Variants in SCFD1 observed in about 807,000 individuals in gnomAD.
SCFD1 encodes the protein sec1 family domain containing 1, also known as sec1 family domain-containing protein 1.
A neutral mutation model predicts 103.2 loss-of-function variants in SCFD1; 37 were observed. The observed-to-expected ratio is 0.36, with a 90% CI of 0.28 to 0.47. The LOEUF (loss-of-function observed/expected upper bound fraction) is 0.47, where lower values mean the gene tolerates loss of function less well. Among genes scored for constraint, SCFD1 ranks in the 20% least tolerant of loss-of-function variants. The probability of loss-of-function intolerance (pLI) is 1.00; values close to 1 mark genes in which losing one functional copy is unlikely to be tolerated. For synonymous variants in SCFD1, 264 were observed against 245.0 expected (o/e 1.08, Z -0.73); for missense variants, 639 against 761.2 (o/e 0.84, Z 1.89).
chr14:30,677,495 A>T (rs1445342717), intron 14 of SCFD1, among the ~76,000 whole-genome samples: 3 of 152,212 alleles, frequency 2.0e-5, no homozygotes, highest in Non-Finnish European at 1.5e-5. Flanking sequence ...CCAATTAAAA[A>T]TCAGAAGTTT....
At chr14:30,670,496 C>G in intron 11 of SCFD1, 101 bp downstream of exon 11, 2 of 773,676 alleles carry the variant, frequency 2.6e-6, no homozygotes, top group South Asian at 4.3e-5. Context: ...CATGTAGGTT[C>G]GTTCACCCAA....
chr14:30,658,087 G>A (rs1887080829), intron 10 of SCFD1: 1 of 455,274 alleles, frequency 2.2e-6, no homozygotes, highest in Non-Finnish European at 4.4e-6. Context: ...TTGCAGGAGA[G>A]GTGGATTTGA....
chr14:30,669,436 A>C (rs1440064221), intron 10 of SCFD1, among the ~76,000 whole-genome samples: 2 of 152,030 alleles, frequency 1.3e-5, no homozygotes, highest in Non-Finnish European at 2.9e-5. Context: ...TTGTGAGGGA[A>C]CCCATAGATG....
chr14:30,666,580 A>G (rs1442911812), intron 10 of SCFD1, among the ~76,000 whole-genome samples: 1 of 152,164 alleles, frequency 6.6e-6, no homozygotes, highest in Non-Finnish European at 1.5e-5. Context: ...TAGAGACACA[A>G]AAAACCCTTC....
intron 10 of SCFD1, among the ~76,000 whole-genome samples, chr14:30,667,645 A>G (rs1450476623): frequency 1.3e-5 from 2 of 152,216 alleles, no homozygotes; most frequent in Non-Finnish European, 2.9e-5. Context: ...ATGATTGTAT[A>G]TTTAGAAAAC....
In SCFD1 at chr14:30,634,142, T is replaced by G. The variant is rs573953930; in HGVS notation, c.312+105T>G. The G allele has an allele frequency of 4.1e-4, 256 of 622,650 alleles. 2 individuals carry two copies. In the African/African-American group the frequency reaches 4.5e-3, roughly 11 times the overall value. The allele number at this position is 622,650 out of a possible 1,614,324, so 38.6% of individuals were successfully genotyped here. ...GTGAAAAATCAGAAATTCCTATGCC[T>G]ACTTTCTCACTCTGATTTTTGAGAC... is the stretch of plus-strand genomic sequence containing the variant. On this transcript the variant is annotated intron_variant, in intron 4 of 24. Coordinates refer to ENST00000458591, the MANE Select transcript of SCFD1 (RefSeq NM_016106.4).
intron 8 of SCFD1, among the ~76,000 whole-genome samples, chr14:30,649,896 A>T (rs903388059): frequency 6.6e-6 from 1 of 152,170 alleles, no homozygotes; most frequent in Admixed American, 6.5e-5. Context: ...GATCCCCCAG[A>T]TTACTTAATA....
At chr14:30,717,915 T>C (rs1384320638) in intron 20 of SCFD1, among the ~76,000 whole-genome samples, 1 of 152,044 alleles carries the variant, frequency 6.6e-6, no homozygotes, top group Non-Finnish European at 1.5e-5. Context: ...AAAGCATTTT[T>C]CACCTATTAT....
At chr14:30,695,446 T>G (rs1205419238) in intron 15 of SCFD1, among the ~76,000 whole-genome samples, 1 of 152,052 alleles carries the variant, frequency 6.6e-6, no homozygotes, top group African/African-American at 2.4e-5. Flanking sequence ...TTCTCACTCA[T>G]GTGGAAGCTT....
At chr14:30,648,522 A>G (rs900390353) in intron 7 of SCFD1, among the ~76,000 whole-genome samples, 2 of 152,244 alleles carry the variant, frequency 1.3e-5, no homozygotes, top group African/African-American at 4.8e-5. Context: ...AACAAAAACT[A>G]GCAGTCCCCA....
chr14:30,717,647 T>G (rs1350544530), intron 20 of SCFD1, among the ~76,000 whole-genome samples: 1 of 152,062 alleles, frequency 6.6e-6, no homozygotes. Context: ...ATCCTAGCAC[T>G]TTGGGAGGCC....
chr14:30,722,352 T>TAAA (rs1419867231), intron 22 of SCFD1, 142 bp from the exon 23 acceptor site: 44 of 564,472 alleles, frequency 7.8e-5, no homozygotes, highest in East Asian at 7.1e-4. Context: ...ATAAATTGAC[T>TAAA]TTTTAGAAAC....
intron 23 of SCFD1, among the ~76,000 whole-genome samples, chr14:30,733,084 C>A (rs1369241375): frequency 6.6e-6 from 1 of 151,510 alleles, no homozygotes; most frequent in Non-Finnish European, 1.5e-5. Flanking sequence ...TGGCTCACTG[C>A]AACCTCTGCC....
chr14:30,633,499 T>C (rs1197421806), intron 3 of SCFD1, among the ~76,000 whole-genome samples: 1 of 152,208 alleles, frequency 6.6e-6, no homozygotes, highest in Non-Finnish European at 1.5e-5. Flanking sequence ...AATTTTTTTA[T>C]AGCTTCTAAA....
At chr14:30,713,854 CT>C (rs772352702) in intron 19 of SCFD1, among the ~76,000 whole-genome samples, 3 of 151,976 alleles carry the variant, frequency 2.0e-5, no homozygotes. Context: ...ATTATTTATT[CT>C]TGTTATGTTG....
chr14:30,683,047 A>C (rs1448804103), intron 14 of SCFD1: 3 of 1,353,122 alleles, frequency 2.2e-6, no homozygotes, highest in Non-Finnish European at 3.1e-6. Context: ...AGCCTGGGTC[A>C]GGGCTCCTGA....
chr14:30,728,839 T>C (rs1204895035), intron 23 of SCFD1, among the ~76,000 whole-genome samples: 2 of 60,792 alleles, frequency 3.3e-5, no homozygotes, highest in African/African-American at 9.0e-5. Flanking sequence ...CCTTTGTCCC[T>C]TTTTTTTTTT....
Position 30,699,303 on chromosome 14 carries a change from A to G in SCFD1, c.1340-885A>G, listed in dbSNP as rs539627514. Among the ~76,000 whole-genome samples the G allele has an allele frequency of 4.9e-4, 75 of 152,354 alleles. No individual in the cohort carries two copies. In the South Asian group the frequency reaches 7.1e-3, roughly 14 times the overall value. On this transcript the variant is annotated intron_variant, in intron 15 of 24. Coordinates refer to ENST00000458591, the MANE Select transcript of SCFD1 (RefSeq NM_016106.4). ...GTGTCTTATCAGTCATTATGTTTTGAAGAAAATCAGCTAGTTTTTATTCTA... is the reference window on the plus strand; with the variant it reads ...GTGTCTTATCAGTCATTATGTTTTGGAGAAAATCAGCTAGTTTTTATTCTA...
chr14:30,735,049 G>C lies in SCFD1; in HGVS notation c.1905+191G>C, dbSNP rs1157374633. 1.4e-5 allele frequency: 7 copies of C among 504,312 alleles called. No homozygotes were observed. In the East Asian group the frequency reaches 2.2e-4, roughly 16 times the overall value. 31.2% of individuals were successfully genotyped at this position (504,312 alleles called of 1,614,324 possible). Reference sequence around the variant, plus strand: ...ATAAGTAATAATGTTTCCAGTAGGAGTTTGCCCATCCTTCCAGAACTGAAA... The same window carrying C: ...ATAAGTAATAATGTTTCCAGTAGGACTTTGCCCATCCTTCCAGAACTGAAA... On this transcript the variant is annotated intron_variant, in intron 24 of 24. Coordinates refer to ENST00000458591, the MANE Select transcript of SCFD1 (RefSeq NM_016106.4).
Sources: gnomAD v4.1 joint callset for allele counts (sites outside exome capture counted in the v4.1 genomes callset) on GRCh38, gnomAD v4.1.1 for gene constraint, MANE v1.5 for transcripts, NCBI Gene and HGNC (gene_info 2026-07-23, HGNC 2026-07-21) for gene names.